The following ATP1B1 variants were observed in gnomAD, a reference collection of about 807,000 sequenced individuals.
ATP1B1 encodes sodium/potassium-transporting ATPase subunit beta-1.
Under a neutral mutation model 39.6 loss-of-function variants are expected in ATP1B1, and 3 were observed. The observed-to-expected ratio is 0.08, with a 90% CI of 0.03 to 0.20. The LOEUF is 0.20. Ranked by LOEUF, ATP1B1 falls within the 10% of genes least tolerant of loss-of-function variation. ATP1B1 has a pLI of 1.00. For synonymous variants in ATP1B1, 139 were observed against 135.0 expected (o/e 1.03, Z -0.20); for missense variants, 216 against 371.1 (o/e 0.58, Z 3.43).
chr1:169,123,045 T>C (rs1331443540), intron 2 of ATP1B1, among the ~76,000 whole-genome samples: 1 of 152,150 alleles, frequency 6.6e-6, no homozygotes, highest in Non-Finnish European at 1.5e-5. Context: ...CCCACCTCAT[T>C]ATGTAACCAC....
intron 2 of ATP1B1, among the ~76,000 whole-genome samples, chr1:169,120,628 T>C (rs953208773): frequency 2.0e-5 from 3 of 152,226 alleles, no homozygotes; most frequent in Admixed American, 6.5e-5. Flanking sequence ...GTTTCACTAG[T>C]TTCTGATGCT....
intron 2 of ATP1B1, among the ~76,000 whole-genome samples, chr1:169,115,881 C>T (rs3766031): frequency 0.11 from 16,654 of 152,274 alleles, 1,076 homozygotes; most frequent in Middle Eastern, 0.19. Context: ...TTAACAAACC[C>T]ATGCTTGTTG....
chr1:169,114,790 G>A (rs1194689914), intron 2 of ATP1B1, among the ~76,000 whole-genome samples: 1 of 152,096 alleles, frequency 6.6e-6, no homozygotes, highest in Non-Finnish European at 1.5e-5. Flanking sequence ...TTGAGAGACT[G>A]AGGCAGGAGG....
intron 2 of ATP1B1, among the ~76,000 whole-genome samples, chr1:169,116,381 T>C (rs1657847829): frequency 6.6e-6 from 1 of 152,168 alleles, no homozygotes; most frequent in Non-Finnish European, 1.5e-5. Flanking sequence ...TTTGTTTAGC[T>C]CTGAAGTATA....
At chr1:169,129,968 A>T (rs376233501) in intron 4 of ATP1B1, 42 bp from the exon 5 acceptor site, 41 of 1,589,502 alleles carry the variant, frequency 2.6e-5, no homozygotes, top group Admixed American at 5.1e-5. Flanking sequence ...AAACTTAAGA[A>T]ATCATTTACA....
At chr1:169,120,386 C>T (rs1281137831) in intron 2 of ATP1B1, among the ~76,000 whole-genome samples, 4 of 152,210 alleles carry the variant, frequency 2.6e-5, no homozygotes, top group Non-Finnish European at 5.9e-5. Flanking sequence ...TTACCACCGT[C>T]TAAGACCCCT....
At chr1:169,124,263 CA>C (rs1658044001) in intron 2 of ATP1B1, among the ~76,000 whole-genome samples, 1 of 152,186 alleles carries the variant, frequency 6.6e-6, no homozygotes, top group African/African-American at 2.4e-5. Context: ...CTGAGACTTT[CA>C]GATTGGAAAG....
chr1:169,113,659 T>C (rs1273934271), intron 2 of ATP1B1, among the ~76,000 whole-genome samples: 9 of 152,168 alleles, frequency 5.9e-5, no homozygotes, highest in Admixed American at 5.9e-4. Flanking sequence ...CCTCTCACGG[T>C]GCCTCCCTTC....
intron 2 of ATP1B1, among the ~76,000 whole-genome samples, chr1:169,121,892 T>G (rs1248944291): frequency 6.6e-6 from 1 of 152,164 alleles, no homozygotes; most frequent in African/African-American, 2.4e-5. Context: ...CACACCAATG[T>G]CCCTATGGTC....
chr1:169,128,979 T>G (rs1379776977), intron 4 of ATP1B1, among the ~76,000 whole-genome samples: 1 of 152,236 alleles, frequency 6.6e-6, no homozygotes, highest in African/African-American at 2.4e-5. Flanking sequence ...TGGAGTTATT[T>G]TTGTCAGAGA....
intron 2 of ATP1B1, among the ~76,000 whole-genome samples, chr1:169,123,544 C>T (rs1658026505): frequency 6.6e-6 from 1 of 151,336 alleles, no homozygotes; most frequent in Non-Finnish European, 1.5e-5. Context: ...ATACAGGGTG[C>T]CCACTTAAGT....
chr1:169,108,151 A>G (rs1353698635), intron 1 of ATP1B1: 3 of 152,190 alleles, frequency 2.0e-5, no homozygotes, highest in African/African-American at 7.2e-5. Flanking sequence ...TTAATAATGC[A>G]TCACACTTCA....
At chr1:169,113,088 CAG>C (rs2101776388) in intron 2 of ATP1B1, among the ~76,000 whole-genome samples, 1 of 150,084 alleles carries the variant, frequency 6.7e-6, no homozygotes, top group East Asian at 2.0e-4. Flanking sequence ...TTTTTTGAGA[CAG>C]AGTTTTGCTC....
intron 2 of ATP1B1, among the ~76,000 whole-genome samples, chr1:169,115,029 CA>C (rs1227677449): frequency 6.6e-6 from 1 of 151,562 alleles, no homozygotes; most frequent in African/African-American, 2.4e-5. Flanking sequence ...CTAAAAAATA[CA>C]AAAAATTAGC....
intron 5 of ATP1B1, among the ~76,000 whole-genome samples, chr1:169,130,908 C>A (rs1473787810): frequency 6.6e-6 from 1 of 151,630 alleles, no homozygotes; most frequent in Non-Finnish European, 1.5e-5. Context: ...AGTTCCCAGA[C>A]AGTGCTAGCA....
intron 4 of ATP1B1, among the ~76,000 whole-genome samples, chr1:169,128,063 G>A (rs1254839825): frequency 6.6e-6 from 1 of 152,094 alleles, no homozygotes; most frequent in African/African-American, 2.4e-5. Context: ...TCACCATTTG[G>A]TGAGATTATA....
intron 3 of ATP1B1, among the ~76,000 whole-genome samples, chr1:169,126,858 G>C (rs1453549275): frequency 6.6e-6 from 1 of 152,144 alleles, no homozygotes; most frequent in Non-Finnish European, 1.5e-5. Flanking sequence ...AGCCAGTGTT[G>C]ACAGTGTGAA....
chr1:169,130,876 G>C (rs760454699), intron 5 of ATP1B1, among the ~76,000 whole-genome samples: 42 of 151,514 alleles, frequency 2.8e-4, no homozygotes, highest in Non-Finnish European at 5.0e-4. Flanking sequence ...CGTTTAGAGA[G>C]AAAGGCAGAA....
Position 169,131,228 on chromosome 1 carries a change from T to A in ATP1B1, c.649-64T>A. ...AACTACTGTGTAGATTGAGTCTTGT[T>A]TTTGAGTACACATAGTGATGCATGA... On this transcript the variant is annotated intron_variant, in intron 5 of 5. Coordinates refer to ENST00000367815, the MANE Select transcript of ATP1B1 (RefSeq NM_001677.4). The surrounding 1 kb of genome is among the most constrained non-coding windows in gnomAD (Gnocchi z 4.4). The A allele has an allele frequency of 2.0e-6, 3 of 1,518,984 alleles. No individual in the cohort carries two copies. The highest frequency in any genetic ancestry group is 1.8e-6 in the Non-Finnish European group (2 of 1,127,356). 94.1% of individuals were successfully genotyped at this position (1,518,984 alleles called of 1,614,324 possible).
Sources: gnomAD v4.1 joint callset for allele counts (sites outside exome capture counted in the v4.1 genomes callset) on GRCh38, gnomAD v4.1.1 for gene constraint, Gnocchi (gnomAD v3.1) non-coding constraint, MANE v1.5 for transcripts, NCBI Gene and HGNC (gene_info 2026-07-23, HGNC 2026-07-21) for gene names.